POF1B: variants seen among roughly 807,000 people sequenced by gnomAD.
POF1B encodes protein POF1B.
In POF1B, 53 loss-of-function variants were observed where a neutral mutation model predicts 55.3. The observed-to-expected ratio is 0.96, with a 90% CI of 0.77 to 1.20. POF1B has a LOEUF of 1.20. POF1B is among the 50% of genes most tolerant of loss of function. POF1B has a pLI of 0.00. For synonymous variants in POF1B, 188 were observed against 148.3 expected (o/e 1.27, Z -1.95); for missense variants, 478 against 420.5 (o/e 1.14, Z -1.20).
chrX:85,304,977 A>G (rs949659760), intron 13 of POF1B, among the ~76,000 whole-genome samples: 4 of 111,179 alleles, frequency 3.6e-5, no homozygotes, highest in Non-Finnish European at 7.6e-5. Context: ...CAACTCCAAA[A>G]CAGGTCTTCT....
intron 3 of POF1B, among the ~76,000 whole-genome samples, chrX:85,363,365 T>G (rs1020604678): frequency 9.9e-5 from 11 of 110,914 alleles, no homozygotes; most frequent in Non-Finnish European, 3.8e-5. Context: ...TCTTTCTAAC[T>G]TCTGGTTGTG....
chrX:85,366,031 T>C (rs749765237), intron 3 of POF1B, among the ~76,000 whole-genome samples: 48 of 111,292 alleles, frequency 4.3e-4, no homozygotes, highest in Non-Finnish European at 7.6e-4. Context: ...ATCACACTTA[T>C]AGAAAAATGA....
intron 11 of POF1B, 28 bp from the exon 12 acceptor site, chrX:85,306,361 C>A (rs771883809): frequency 2.5e-6 from 3 of 1,183,109 alleles, no homozygotes; most frequent in Non-Finnish European, 3.4e-6. Flanking sequence ...GTACATAAGA[C>A]AAATGCATTT....
chrX:85,307,105 A>T, intron 11 of POF1B, 58 bp downstream of exon 11: 1 of 866,230 alleles, frequency 1.2e-6, no homozygotes, highest in Non-Finnish European at 1.7e-6. Context: ...ATGTGCCAGT[A>T]ATTGTGCATA....
chrX:85,307,600 A>T (rs755132867), intron 10 of POF1B, among the ~76,000 whole-genome samples: 2 of 111,668 alleles, frequency 1.8e-5, no homozygotes, highest in East Asian at 5.7e-4. Flanking sequence ...TAGAGTCTAA[A>T]TATGTTCATC....
chrX:85,290,705 T>G (rs189740183), intron 15 of POF1B, among the ~76,000 whole-genome samples: 49 of 112,269 alleles, frequency 4.4e-4, no homozygotes, highest in African/African-American at 1.6e-3. Flanking sequence ...TGATCACTAG[T>G]GATGATGAGC....
intron 16 of POF1B, among the ~76,000 whole-genome samples, chrX:85,281,783 G>A (rs1378417836): frequency 3.7e-5 from 4 of 108,642 alleles, no homozygotes; most frequent in Non-Finnish European, 7.6e-5. Context: ...AAGATTGCAA[G>A]ACAAATTCTA....
At chrX:85,306,443 G>T in intron 11 of POF1B, 110 bp from the exon 12 acceptor site, 1 of 766,925 alleles carries the variant, frequency 1.3e-6, no homozygotes, top group Non-Finnish European at 1.9e-6. Context: ...CCTATGCCCA[G>T]TTTTCTTATA....
At chrX:85,353,141 A>G (rs755351762) in intron 4 of POF1B, among the ~76,000 whole-genome samples, 2 of 111,215 alleles carry the variant, frequency 1.8e-5, no homozygotes, top group African/African-American at 3.3e-5. Context: ...GAGTACCTGG[A>G]TTAGGTGGCA....
intron 6 of POF1B, among the ~76,000 whole-genome samples, chrX:85,343,916 C>T (rs1274345805): frequency 9.0e-6 from 1 of 111,495 alleles, no homozygotes; most frequent in Non-Finnish European, 1.9e-5. Flanking sequence ...GGCTTTACTG[C>T]ATGCTGGCTG....
Position 85,311,266 on chromosome X carries a change from A to G in POF1B, c.958-3050T>C, listed in dbSNP as rs571611559. On this transcript the variant is annotated intron_variant, in intron 9 of 16. Coordinates refer to ENST00000262753, the MANE Select transcript of POF1B (RefSeq NM_024921.4). ...TGTGCAGAACGTGCAGGTTTGTTAC[A>G]TAGGTATACACGTGCCATGGTGGTT... Among the ~76,000 whole-genome samples the G allele has an allele frequency of 9.9e-3, 1,103 of 111,126 alleles. 13 individuals carry two copies. Among genetic ancestry groups the G allele is most frequent in the South Asian group, 0.016 (41 of 2,597 alleles).
chrX:85,338,782 C>A (rs909428137), intron 6 of POF1B, among the ~76,000 whole-genome samples: 6 of 108,914 alleles, frequency 5.5e-5, no homozygotes, highest in African/African-American at 2.1e-4. Flanking sequence ...GCAGACAGAG[C>A]AGTTAAAAAA....
rs185828748 is a variant in POF1B, at chrX:85,347,544, G to C, written c.541-1502C>G. Among the ~76,000 whole-genome samples, 3 of 110,847 alleles carry C rather than the reference G, an allele frequency of 2.7e-5. No individual in the cohort carries two copies. In the Admixed American group the frequency reaches 2.9e-4, roughly 11 times the overall value. On this transcript the variant is annotated intron_variant, in intron 5 of 16. Coordinates refer to ENST00000262753, the MANE Select transcript of POF1B (RefSeq NM_024921.4). The stretch of plus-strand genomic sequence containing the variant: ...CTGGGGACAAAAGTGTCTGGATAAG[G>C]AGGTTTATTTGTCACTGTATACCTT...
At chrX:85,367,609 G>A (rs901504296) in intron 3 of POF1B, 83 bp downstream of exon 3, 3 of 659,500 alleles carry the variant, frequency 4.5e-6, no homozygotes, top group African/African-American at 4.4e-5. Flanking sequence ...TCTTATGGGG[G>A]TCTAAAGATT....
Position 85,379,303 on chromosome X carries a change from C to T in POF1B, c.152G>A (p.Arg51Gln), listed in dbSNP as rs769742545. Residue 51 changes from arginine (R) to glutamine (Q), a missense_variant, in exon 2 of 17, where the codon CGA (arginine) becomes CAA (glutamine). Arg to Gln is a conservative substitution (Grantham distance 43, BLOSUM62 1). Transcript: ENST00000262753. ...QPPEKNVVYE[R>Q]VRTYSGPMNK... The stretch of plus-strand genomic sequence containing the variant: ...CATGGGCCCACTGTAGGTCCTCACT[C>T]GCTCATACACTACATTTTTTTCTGG... 9.9e-6 allele frequency: 12 copies of T among 1,207,872 alleles called. No homozygotes were observed. The highest frequency in any genetic ancestry group is 2.3e-4 in the Middle Eastern group (1 of 4,340).
chrX:85,372,441 T>C (rs1295074006), intron 2 of POF1B, among the ~76,000 whole-genome samples: 2 of 109,130 alleles, frequency 1.8e-5, no homozygotes, highest in Non-Finnish European at 3.8e-5. Context: ...GTCCATACCT[T>C]TGTACACACT....
chrX:85,360,527 G>GTATGTATGTATATA (rs1392775604), intron 3 of POF1B, among the ~76,000 whole-genome samples: 1 of 58,537 alleles, frequency 1.7e-5, no homozygotes, highest in African/African-American at 1.0e-4. Context: ...TCCATGGTAT[G>GTATGTATGTATATA]TATATATATA....
intron 6 of POF1B, among the ~76,000 whole-genome samples, chrX:85,331,632 A>T (rs887138362): frequency 8.1e-5 from 9 of 110,448 alleles, no homozygotes; most frequent in African/African-American, 2.6e-4. Context: ...ATATAGAGTA[A>T]ATTTCTGTTA....
At chrX:85,326,283 G>A (rs1932895849) in intron 7 of POF1B, among the ~76,000 whole-genome samples, 1 of 104,326 alleles carries the variant, frequency 9.6e-6, no homozygotes, top group Non-Finnish European at 2.0e-5. Flanking sequence ...GGTGGTGGCG[G>A]GGGAGGTATC....
Sources: gnomAD v4.1 joint callset for allele counts (sites outside exome capture counted in the v4.1 genomes callset) on GRCh38, gnomAD v4.1.1 for gene constraint, MANE v1.5 for transcripts, NCBI Gene and HGNC (gene_info 2026-07-23, HGNC 2026-07-21) for gene names.